The following RPN2 variants were observed in gnomAD, a reference collection of about 807,000 sequenced individuals.
RPN2 encodes dolichyl-diphosphooligosaccharide--protein glycosyltransferase subunit 2.
RPN2 carries 29 observed loss-of-function variants against 71.4 expected under a neutral mutation model. That is an observed-to-expected ratio of 0.41 (90% CI 0.30 to 0.55). The LOEUF (loss-of-function observed/expected upper bound fraction) is 0.55. Among genes scored for constraint, RPN2 ranks in the 20% least tolerant of loss-of-function variants. The probability of loss-of-function intolerance (pLI) is 0.35; values close to 1 mark genes in which losing one functional copy is unlikely to be tolerated. For missense variants in RPN2, 726 were observed against 774.1 expected (o/e 0.94, Z 0.74); for synonymous variants, 308 against 305.0 (o/e 1.01, Z -0.10).
intron 9 of RPN2, among the ~76,000 whole-genome samples, chr20:37,217,353 C>T (rs929767610): frequency 4.6e-5 from 7 of 151,542 alleles, no homozygotes; most frequent in South Asian, 2.1e-4. Context: ...AATGCAGTGG[C>T]GCAATCCCGG....
intron 8 of RPN2, among the ~76,000 whole-genome samples, chr20:37,213,288 G>A (rs954615801): frequency 6.6e-6 from 1 of 152,116 alleles, no homozygotes; most frequent in Admixed American, 6.5e-5. Context: ...GAAACCTAGG[G>A]GTGTTCATCT....
chr20:37,203,936 G>C lies in RPN2; in HGVS notation c.531G>C (p.Leu177=). The part of the protein sequence containing the change: ...TASHLSQQAD[L]RSIVEEIEDL... ...CCCACCTGTCCCAGCAGGCTGACCT[G>C]AGGAGCATCGTGGAGGAGATTGAGG... The change falls in exon 5 of 17, where the codon CTG becomes CTC. Residue 177 remains leucine (L), a synonymous_variant. Coordinates refer to ENST00000237530, the MANE Select transcript of RPN2 (RefSeq NM_002951.5). The C allele has an allele frequency of 6.2e-7, 1 of 1,613,970 alleles. No homozygotes were observed. Among genetic ancestry groups the C allele is most frequent in the African/African-American group, 1.3e-5 (1 of 75,044 alleles).
chr20:37,232,238 T>C, intron 13 of RPN2, 58 bp from the exon 14 acceptor site: 1 of 1,596,066 alleles, frequency 6.3e-7, no homozygotes, highest in Non-Finnish European at 8.6e-7. Context: ...CCGGTATACA[T>C]GGCTGCCCCT....
intron 12 of RPN2, 126 bp downstream of exon 12, chr20:37,228,870 A>G (rs2068157135): frequency 3.5e-6 from 3 of 865,300 alleles, no homozygotes; most frequent in Non-Finnish European, 5.7e-6. Flanking sequence ...TAAGCTTGGG[A>G]GGTGAGGCAC....
Position 37,203,972 on chromosome 20 carries a change from T to C in RPN2, c.555+12T>C, listed in dbSNP as rs775332714. 6.9e-6 allele frequency: 11 copies of C among 1,599,996 alleles called. No homozygotes were observed. The highest frequency in any genetic ancestry group is 1.7e-5 in the Admixed American group (1 of 59,992). ...TGGAGGAGATTGAGGTGTGAATCTT[T>C]TGCCAAATGCATCTCCCAGCTCCTG... is the stretch of plus-strand genomic sequence containing the variant. On this transcript the variant is annotated intron_variant, in intron 5 of 16. Transcript: ENST00000237530.
chr20:37,204,655 G>A (rs757875106), intron 5 of RPN2, 112 bp from the exon 6 acceptor site: 3 of 1,171,972 alleles, frequency 2.6e-6, no homozygotes, highest in African/African-American at 3.0e-5. Context: ...ATGGTCTTCA[G>A]ATTTAGAGTG....
chr20:37,204,689 A>G (rs1320576509), intron 5 of RPN2, 78 bp from the exon 6 acceptor site: 1 of 1,465,298 alleles, frequency 6.8e-7, no homozygotes. Flanking sequence ...AGCTGTCTGC[A>G]GTGGGGTTGA....
intron 1 of RPN2, chr20:37,179,612 G>A: frequency 9.8e-7 from 1 of 1,024,002 alleles, no homozygotes; most frequent in Non-Finnish European, 1.3e-6. Context: ...GGGTCGCCCC[G>A]AGGCTCAGCC....
intron 9 of RPN2, among the ~76,000 whole-genome samples, chr20:37,220,089 T>C (rs2067913798): frequency 6.6e-6 from 1 of 152,168 alleles, no homozygotes; most frequent in Non-Finnish European, 1.5e-5. Context: ...TAAGCCCCCA[T>C]TGAGGCCATT....
chr20:37,229,794 C>CTT, intron 12 of RPN2, 179 bp from the exon 13 acceptor site: 1 of 654,772 alleles, frequency 1.5e-6, no homozygotes, highest in Non-Finnish European at 2.7e-6. Context: ...TCAGCAAATA[C>CTT]TTGTTTTGTT....
At chr20:37,239,431 T>C (rs1448760823) in intron 16 of RPN2, among the ~76,000 whole-genome samples, 1 of 152,202 alleles carries the variant, frequency 6.6e-6, no homozygotes, top group East Asian at 1.9e-4. Context: ...GGAAATGGCT[T>C]TCCCTGCCAA....
intron 7 of RPN2, 102 bp downstream of exon 7, chr20:37,207,551 G>A: frequency 9.1e-7 from 1 of 1,102,484 alleles, no homozygotes; most frequent in Middle Eastern, 2.2e-4. Flanking sequence ...GCCCCTACAA[G>A]GACATACCCA....
At chr20:37,226,201 G>T (rs1249198542) in intron 11 of RPN2, among the ~76,000 whole-genome samples, 2 of 152,058 alleles carry the variant, frequency 1.3e-5, no homozygotes, top group Non-Finnish European at 2.9e-5. Context: ...AGCCTCCCAA[G>T]TAGCTGGGAT....
intron 7 of RPN2, among the ~76,000 whole-genome samples, chr20:37,208,262 C>T (rs1372227051): frequency 1.3e-5 from 1 of 78,706 alleles, no homozygotes; most frequent in Admixed American, 1.4e-4. Context: ...GAGTGAGACC[C>T]TGTCTAAAAA....
chr20:37,225,539 G>T (rs2068055427), intron 10 of RPN2, 149 bp from the exon 11 acceptor site: 1 of 702,490 alleles, frequency 1.4e-6, no homozygotes, highest in East Asian at 2.7e-5. Context: ...CCCCCAGGTT[G>T]CAGACAGTTC....
Position 37,241,281 on chromosome 20 carries a change from GTT to G in RPN2, c.1884-20_1884-19del. ...GAACTGAAACCTTCAGTAATTCTGT[GTT>G]TGTCTCCATTTTCTTTCAGAACAGC... On this transcript the variant is annotated intron_variant, in intron 16 of 16. Coordinates refer to ENST00000237530, the MANE Select transcript of RPN2 (RefSeq NM_002951.5). 2 of 1,612,040 alleles carry G rather than the reference GTT, an allele frequency of 1.2e-6. No homozygotes were observed. The highest frequency in any genetic ancestry group is 1.7e-6 in the Non-Finnish European group (2 of 1,178,874).
intron 16 of RPN2, 78 bp downstream of exon 16, chr20:37,236,787 AGGT>A: frequency 6.9e-7 from 1 of 1,457,948 alleles, no homozygotes; most frequent in Non-Finnish European, 9.6e-7. Flanking sequence ...TTTGAAGGGT[AGGT>A]GGCAAAATGA....
Position 37,184,268 on chromosome 20 carries a change from G to A in RPN2, c.102G>A (p.Val34=). The A allele has an allele frequency of 6.2e-7, 1 of 1,614,138 alleles. No individual in the cohort carries two copies. The highest frequency in any genetic ancestry group is 8.5e-7 in the Non-Finnish European group (1 of 1,180,028). The part of the protein sequence containing the change: ...TPTHYLTKHD[V]ERLKASLDRP... ...CTCACTACCTCACCAAGCATGACGT[G>A]GAGAGACTAAAAGCCTCGCTGGATC... is the stretch of plus-strand genomic sequence containing the variant. Residue 34 remains valine (V), a synonymous_variant, in exon 2 of 17, where the codon GTG becomes GTA. Transcript: ENST00000237530.
chr20:37,179,393 G>C (rs868411764), intron 1 of RPN2, 24 bp downstream of exon 1: 2 of 86,238 alleles, frequency 2.3e-5, no homozygotes, highest in African/African-American at 5.4e-4. Flanking sequence ...CGTGGCTTTG[G>C]GGAGAGGGCT....
Sources: gnomAD v4.1 joint callset for allele counts (sites outside exome capture counted in the v4.1 genomes callset) on GRCh38, gnomAD v4.1.1 for gene constraint, MANE v1.5 for transcripts, NCBI Gene and HGNC (gene_info 2026-07-23, HGNC 2026-07-21) for gene names.